The following DUSP22 variants were observed in gnomAD, a reference collection of about 807,000 sequenced individuals.
DUSP22 encodes dual specificity protein phosphatase 22.
In DUSP22, 24 loss-of-function variants were observed where a neutral mutation model predicts 24.5. The observed-to-expected ratio is 0.98, with a 90% CI of 0.71 to 1.38. The LOEUF (loss-of-function observed/expected upper bound fraction) is 1.38. DUSP22 is among the 40% of genes most tolerant of loss of function. The pLI is 0.00. For missense variants in DUSP22, 330 were observed against 269.2 expected (o/e 1.23, Z -1.58); for synonymous variants, 160 against 106.4 (o/e 1.50, Z -3.10).
At chr6:348,681 C>A in intron 6 of DUSP22, 88 bp from the exon 7 acceptor site, 3 of 1,572,556 alleles carry the variant, frequency 1.9e-6, no homozygotes, top group East Asian at 2.2e-5. Context: ...GTGGCACCAT[C>A]TCTGTGGTGA....
At chr6:318,981 A>C (rs1163718608) in intron 3 of DUSP22, among the ~76,000 whole-genome samples, 2 of 152,306 alleles carry the variant, frequency 1.3e-5, no homozygotes, top group Admixed American at 6.5e-5. Flanking sequence ...GTAAAGTTTA[A>C]AGTCAATGGT....
intron 1 of DUSP22, among the ~76,000 whole-genome samples, chr6:301,811 T>A (rs996658767): frequency 5.3e-5 from 8 of 152,296 alleles, no homozygotes; most frequent in Admixed American, 5.2e-4. Context: ...TTGCTTGAGA[T>A]AGTCCTGCAG....
intron 3 of DUSP22, among the ~76,000 whole-genome samples, chr6:316,746 A>G (rs1324817721): frequency 2.0e-5 from 3 of 152,304 alleles, no homozygotes; most frequent in Non-Finnish European, 4.4e-5. Flanking sequence ...ATTTCTCACT[A>G]TTAACAAAAA....
rs1159886676 is a variant in DUSP22 at position 349,524 on chromosome 6, T to C, written c.*573T>C. 1.0e-6 allele frequency: 1 copy of C among 992,144 alleles called. No individual in the cohort carries two copies. The highest frequency in any genetic ancestry group is 1.7e-5 in the African/African-American group (1 of 57,338). The allele number at this position is 992,144 out of a possible 1,614,324, so 61.5% of individuals were successfully genotyped here. ...AGACCGTGAGAACTCAGGGGACGAG[T>C]GGCTAAGAGCATGGCCTCTCCCAGA... On this transcript the variant is annotated 3_prime_UTR_variant, in exon 7 of 7. Coordinates refer to ENST00000419235, the MANE Select transcript of DUSP22 (RefSeq NM_001286555.3).
At chr6:348,318 C>T in intron 6 of DUSP22, 44 bp downstream of exon 6, 1 of 1,610,496 alleles carries the variant, frequency 6.2e-7, no homozygotes. Flanking sequence ...GCAGGTGCCC[C>T]TGAACGGTGC....
chr6:295,945 A>G (rs1215749198), intron 1 of DUSP22, among the ~76,000 whole-genome samples: 2 of 152,290 alleles, frequency 1.3e-5, no homozygotes, highest in Non-Finnish European at 2.9e-5. Context: ...TGGAGAGGTT[A>G]GGTAGCATAA....
chr6:333,837 C>G (rs1435231808), intron 3 of DUSP22, among the ~76,000 whole-genome samples: 2 of 152,306 alleles, frequency 1.3e-5, no homozygotes, highest in African/African-American at 4.8e-5. Context: ...GATCCGACTC[C>G]TGAGGGCCAG....
chr6:329,908 G>A (rs1360023114), intron 3 of DUSP22, among the ~76,000 whole-genome samples: 5 of 152,300 alleles, frequency 3.3e-5, no homozygotes, highest in African/African-American at 1.2e-4. Context: ...TTTAAATTTG[G>A]CTTTTAATTC....
At chr6:303,494 G>A (rs533272267) in intron 1 of DUSP22, among the ~76,000 whole-genome samples, 5 of 152,410 alleles carry the variant, frequency 3.3e-5, no homozygotes, top group Non-Finnish European at 7.3e-5. Flanking sequence ...GAAGATGCTT[G>A]AAGAAATCAG....
At chr6:334,870 T>C (rs1018267550) in intron 3 of DUSP22, among the ~76,000 whole-genome samples, 2 of 152,310 alleles carry the variant, frequency 1.3e-5, no homozygotes, top group African/African-American at 2.4e-5. Flanking sequence ...ATGTGCCCTT[T>C]GAATTTTGCC....
chr6:351,170 G>A lies in DUSP22; in HGVS notation c.*2219G>A, dbSNP rs1760195834. 8.7e-6 allele frequency: 4 copies of A among 457,558 alleles called. No homozygotes were observed. Among genetic ancestry groups the A allele is most frequent in the Admixed American group, 7.5e-5 (2 of 26,610 alleles). 28.3% of individuals were successfully genotyped at this position (457,558 alleles called of 1,614,324 possible). A position where few individuals can be genotyped will look rare whatever the true frequency, so the allele number is the denominator to read the frequency against. ...GGCTTGGCGCTCGTGATTGCTTCCT[G>A]TGAACGCCTCCCAAGGACGAGCCCA... On this transcript the variant is annotated 3_prime_UTR_variant, in exon 7 of 7. Coordinates refer to ENST00000419235, the MANE Select transcript of DUSP22 (RefSeq NM_001286555.3).
chr6:341,683 G>A (rs985069831), intron 4 of DUSP22, among the ~76,000 whole-genome samples: 3 of 152,300 alleles, frequency 2.0e-5, no homozygotes, highest in Non-Finnish European at 4.4e-5. Context: ...CTATCATGAT[G>A]CCTGCACAAG....
At chr6:335,073 A>G (rs2127413369) in intron 3 of DUSP22, 41 bp from the exon 4 acceptor site, 2 of 1,599,678 alleles carry the variant, frequency 1.3e-6, no homozygotes, top group South Asian at 1.1e-5. Context: ...ACTGAGTTTC[A>G]TGTTTTTATT....
intron 3 of DUSP22, among the ~76,000 whole-genome samples, chr6:318,429 C>A (rs1252196742): frequency 6.6e-6 from 1 of 152,312 alleles, no homozygotes; most frequent in African/African-American, 2.4e-5. Context: ...GGGAGAGCCT[C>A]ATTGCCTGTG....
chr6:313,005 T>A (rs939870244), intron 3 of DUSP22, among the ~76,000 whole-genome samples: 3 of 152,110 alleles, frequency 2.0e-5, no homozygotes, highest in Admixed American at 1.3e-4. Flanking sequence ...TAATTTGTGT[T>A]CCAGCATGAT....
At position 351,293 on chromosome 6, in the gene DUSP22, C is replaced by T. The variant is rs764058551; in HGVS notation, c.*2342C>T. 3.6e-5 allele frequency: 7 copies of T among 192,256 alleles called. No individual in the cohort carries two copies. Among genetic ancestry groups the T allele is most frequent in the East Asian group, 1.4e-4 (1 of 7,178 alleles). 11.9% of individuals were successfully genotyped at this position (192,256 alleles called of 1,614,324 possible). ...GGTTTTATCTCTGGTTTGTGTTCTC[C>T]GTGGTGGAATTGACCGAAAGCTCTA... On this transcript the variant is annotated 3_prime_UTR_variant, in exon 7 of 7. Coordinates refer to ENST00000419235, the MANE Select transcript of DUSP22 (RefSeq NM_001286555.3).
At chr6:297,364 T>C (rs1757383043) in intron 1 of DUSP22, among the ~76,000 whole-genome samples, 3 of 152,424 alleles carry the variant, frequency 2.0e-5, no homozygotes, top group South Asian at 4.1e-4. Context: ...TTTTGAGTGT[T>C]CTTGGATGTG....
chr6:298,082 CG>C (rs1264106398), intron 1 of DUSP22, among the ~76,000 whole-genome samples: 1 of 152,300 alleles, frequency 6.6e-6, no homozygotes, highest in African/African-American at 2.4e-5. Context: ...GGCCACATGC[CG>C]GTGGGCTCTG....
At chr6:338,161 TAGTAAC>T (rs1426274162) in intron 4 of DUSP22, 5 of 152,378 alleles carry the variant, frequency 3.3e-5, no homozygotes, top group African/African-American at 1.2e-4. Flanking sequence ...TTTAACCCAT[TAGTAAC>T]AGCAAATCTT....
Sources: allele counts gnomAD v4.1 joint callset (sites outside exome capture counted in the v4.1 genomes callset), GRCh38; gene constraint gnomAD v4.1.1; transcripts MANE v1.5; gene names NCBI Gene and HGNC (gene_info 2026-07-23, HGNC 2026-07-21).